SCAPER: variants seen among roughly 807,000 people sequenced by gnomAD.
The protein encoded by SCAPER is S-phase cyclin A associated protein in the ER.
Under a neutral mutation model 182.2 loss-of-function variants are expected in SCAPER, and 98 were observed. The observed-to-expected ratio is 0.54, with a 90% CI of 0.46 to 0.64. SCAPER has a LOEUF of 0.64. Among genes scored for constraint, SCAPER ranks in the 30% least tolerant of loss-of-function variants. The pLI is 0.00. For synonymous variants in SCAPER, 605 were observed against 564.6 expected, an observed-to-expected ratio of 1.07 and a Z score of -1.01; for missense variants, 1,432 against 1,690.0, an observed-to-expected ratio of 0.85 and a Z score of 2.68.
intron 23 of SCAPER, among the ~76,000 whole-genome samples, chr15:76,571,375 AAC>A (rs2047424213): frequency 1.3e-5 from 2 of 152,118 alleles, no homozygotes; most frequent in Non-Finnish European, 2.9e-5. Context: ...TTTAAAGCAT[AAC>A]ACATATAAAA....
At chr15:76,459,543 G>GGTT (rs71444981) in intron 25 of SCAPER, among the ~76,000 whole-genome samples, 3 of 143,996 alleles carry the variant, frequency 2.1e-5, no homozygotes, top group Non-Finnish European at 4.5e-5. Flanking sequence ...AATTATTAGG[G>GGTT]TTTTTTTTTT....
chr15:76,444,956 G>T (rs1199388217), intron 25 of SCAPER, among the ~76,000 whole-genome samples: 1 of 152,148 alleles, frequency 6.6e-6, no homozygotes, highest in African/African-American at 2.4e-5. Context: ...TTCAATTATA[G>T]CATTTCACTT....
intron 19 of SCAPER, among the ~76,000 whole-genome samples, chr15:76,702,575 G>A (rs1317652648): frequency 6.6e-6 from 1 of 152,076 alleles, no homozygotes; most frequent in African/African-American, 2.4e-5. Flanking sequence ...AGCCTCCCGA[G>A]TACCTGGGAT....
intron 21 of SCAPER, among the ~76,000 whole-genome samples, chr15:76,648,112 G>A (rs572733702): frequency 1.8e-4 from 28 of 151,476 alleles, no homozygotes; most frequent in African/African-American, 5.3e-4. Context: ...AGCCATACTC[G>A]GAGAAAAATC....
chr15:76,440,918 G>GTTTTTTTTTTTT (rs1187911987), intron 25 of SCAPER, among the ~76,000 whole-genome samples: 2 of 62,652 alleles, frequency 3.2e-5, no homozygotes, highest in African/African-American at 6.5e-5. Flanking sequence ...TTTTTTTTTT[G>GTTTTTTTTTTTT]TTTTTTTTTT....
At chr15:76,693,831 G>T (rs149963119) in intron 20 of SCAPER, among the ~76,000 whole-genome samples, 1 of 152,186 alleles carries the variant, frequency 6.6e-6, no homozygotes, top group Non-Finnish European at 1.5e-5. Flanking sequence ...TCTGGAGGGA[G>T]GAGGGAATGG....
intron 24 of SCAPER, among the ~76,000 whole-genome samples, chr15:76,496,846 T>C (rs545759635): frequency 6.6e-6 from 1 of 152,336 alleles, no homozygotes; most frequent in East Asian, 1.9e-4. Context: ...AGTCAAATAT[T>C]TTCAAGCCAA....
chr15:76,670,818 T>A (rs944055064), intron 20 of SCAPER, among the ~76,000 whole-genome samples: 2 of 152,236 alleles, frequency 1.3e-5, no homozygotes, highest in African/African-American at 4.8e-5. Flanking sequence ...TATTACCTTT[T>A]AATGGTTTGC....
chr15:76,549,486 C>T (rs949311302), intron 23 of SCAPER, among the ~76,000 whole-genome samples: 2 of 152,054 alleles, frequency 1.3e-5, no homozygotes, highest in African/African-American at 4.8e-5. Context: ...AACCATCAAA[C>T]TATCTCAAAG....
rs563713951 is a variant in SCAPER, at chr15:76,788,848, A to AT, written c.772+6431dup. Among the ~76,000 whole-genome samples, 89 of 151,828 alleles carry AT rather than the reference A, an allele frequency of 5.9e-4. 1 individual carries two copies. In the South Asian group the frequency reaches 0.012, roughly 21 times the overall value. On this transcript the variant is annotated intron_variant, in intron 8 of 31. Transcript: ENST00000563290. Reference sequence around the variant, plus strand: ...CAACATTTTGTCCCTCTCTATTTTTATTTTTTTTGAGACTGGTCTCGCTAT... The same window carrying AT: ...CAACATTTTGTCCCTCTCTATTTTTATTTTTTTTTGAGACTGGTCTCGCTAT...
At chr15:76,774,378 G>C (rs1044579036) in intron 9 of SCAPER, 3 of 392,338 alleles carry the variant, frequency 7.6e-6, no homozygotes, top group Non-Finnish European at 1.5e-5. Context: ...CAAATGAACT[G>C]AGTAATTCCA....
intron 26 of SCAPER, among the ~76,000 whole-genome samples, chr15:76,427,154 C>T (rs546605745): frequency 1.2e-4 from 18 of 152,252 alleles, no homozygotes; most frequent in Middle Eastern, 3.4e-3. Flanking sequence ...CAGATTGAGT[C>T]AGGCAAGGAG....
chr15:76,417,334 C>G (rs961051410), intron 26 of SCAPER, among the ~76,000 whole-genome samples: 4 of 152,114 alleles, frequency 2.6e-5, no homozygotes, highest in Non-Finnish European at 4.4e-5. Flanking sequence ...AAGGTGGTGG[C>G]AGAGAGACAG....
intron 5 of SCAPER, among the ~76,000 whole-genome samples, chr15:76,831,480 A>G (rs1598975668): frequency 6.7e-6 from 1 of 150,340 alleles, no homozygotes; most frequent in Admixed American, 6.6e-5. Flanking sequence ...GTGCATGAGG[A>G]CCCACCACCA....
intron 22 of SCAPER, among the ~76,000 whole-genome samples, chr15:76,610,702 T>A (rs1217257691): frequency 6.6e-6 from 1 of 151,104 alleles, no homozygotes; most frequent in Non-Finnish European, 1.5e-5. Flanking sequence ...AAACAAAAAA[T>A]TACTTAGTAA....
At chr15:76,814,939 A>G (rs1416848072) in intron 5 of SCAPER, among the ~76,000 whole-genome samples, 1 of 152,178 alleles carries the variant, frequency 6.6e-6, no homozygotes, top group Non-Finnish European at 1.5e-5. Flanking sequence ...AACAGATTTA[A>G]AAATGGGCAA....
At chr15:76,500,935 C>T (rs1014029942) in intron 24 of SCAPER, among the ~76,000 whole-genome samples, 1 of 151,406 alleles carries the variant, frequency 6.6e-6, no homozygotes, top group Non-Finnish European at 1.5e-5. Flanking sequence ...CCCAGTTACT[C>T]GGGAGGCTGA....
At chr15:76,770,735 T>A (rs1352076865) in intron 10 of SCAPER, among the ~76,000 whole-genome samples, 3 of 152,140 alleles carry the variant, frequency 2.0e-5, no homozygotes, top group African/African-American at 7.2e-5. Flanking sequence ...TACAATTTGA[T>A]ATACAACTGC....
intron 1 of SCAPER, among the ~76,000 whole-genome samples, chr15:76,890,650 G>A (rs935925880): frequency 1.3e-5 from 2 of 151,966 alleles, no homozygotes; most frequent in East Asian, 1.9e-4. Context: ...GACCAATAAC[G>A]GGCTCTGAAA....
Sources: gnomAD v4.1 joint callset for allele counts (sites outside exome capture counted in the v4.1 genomes callset) on GRCh38, gnomAD v4.1.1 for gene constraint, MANE v1.5 for transcripts, NCBI Gene and HGNC (gene_info 2026-07-23, HGNC 2026-07-21) for gene names.